SH3D19: variants seen among roughly 807,000 people sequenced by gnomAD.
The protein encoded by SH3D19 is SH3 domain containing 19, also known as SH3 domain-containing protein 19.
In SH3D19, 58 loss-of-function variants were observed where a neutral mutation model predicts 112.1. The ratio of observed to expected loss-of-function variants is 0.52; its 90% CI spans 0.42 to 0.64. The LOEUF is 0.64. Ranked by LOEUF, SH3D19 falls within the 30% of genes least tolerant of loss-of-function variation. The pLI, the probability that SH3D19 is intolerant of heterozygous loss-of-function variation, is 0.00. For missense variants in SH3D19, 1,090 were observed against 1,263.4 expected, an observed-to-expected ratio of 0.86 and a Z score of 2.08; for synonymous variants, 391 against 448.5, an observed-to-expected ratio of 0.87 and a Z score of 1.62.
intron 1 of SH3D19, among the ~76,000 whole-genome samples, chr4:151,276,789 T>C (rs1773665805): frequency 6.6e-6 from 1 of 152,188 alleles, no homozygotes; most frequent in Admixed American, 6.5e-5. Context: ...ATTAACCAGA[T>C]ACTGGGTTCA....
chr4:151,271,069 A>T (rs2149997412), intron 1 of SH3D19, among the ~76,000 whole-genome samples: 1 of 152,186 alleles, frequency 6.6e-6, no homozygotes, highest in East Asian at 1.9e-4. Flanking sequence ...GACTACAAAC[A>T]TGCAACACCC....
intron 1 of SH3D19, among the ~76,000 whole-genome samples, chr4:151,280,836 A>G (rs1774155279): frequency 6.6e-6 from 1 of 152,176 alleles, no homozygotes; most frequent in Admixed American, 6.6e-5. Flanking sequence ...AAATAGAGTA[A>G]TAACTTCAAA....
At chr4:151,189,721 A>G (rs1016100686) in intron 2 of SH3D19, among the ~76,000 whole-genome samples, 2 of 152,264 alleles carry the variant, frequency 1.3e-5, no homozygotes, top group Middle Eastern at 3.4e-3. Context: ...CTGTGAGTCC[A>G]AAAAGAAAGT....
intron 13 of SH3D19, 65 bp downstream of exon 13, chr4:151,139,710 C>T (rs1752634997): frequency 2.1e-6 from 3 of 1,459,020 alleles, no homozygotes; most frequent in Non-Finnish European, 1.9e-6. Context: ...AGGCTAACCC[C>T]CGGCAGGGAA....
chr4:151,253,421 C>G (rs992447023), intron 1 of SH3D19, among the ~76,000 whole-genome samples: 10 of 152,162 alleles, frequency 6.6e-5, no homozygotes, highest in Admixed American at 2.6e-4. Context: ...TCCAGCATCC[C>G]TAAGTATCTA....
At chr4:151,229,564 T>G (rs1295367965) in intron 1 of SH3D19, among the ~76,000 whole-genome samples, 3 of 152,060 alleles carry the variant, frequency 2.0e-5, no homozygotes, top group Non-Finnish European at 2.9e-5. Context: ...TGCCTCATGG[T>G]TAATAAGGCT....
intron 9 of SH3D19, among the ~76,000 whole-genome samples, chr4:151,158,886 G>A (rs1045861816): frequency 6.6e-6 from 1 of 151,798 alleles, no homozygotes; most frequent in Non-Finnish European, 1.5e-5. Context: ...CACTAGTTGG[G>A]TATTTTAAAT....
chr4:151,290,755 G>T (rs1775245944), intron 1 of SH3D19, among the ~76,000 whole-genome samples: 1 of 152,128 alleles, frequency 6.6e-6, no homozygotes. Flanking sequence ...TATCATTTTA[G>T]GTAAGAATGG....
chr4:151,221,494 A>G (rs1768035013), intron 2 of SH3D19, among the ~76,000 whole-genome samples: 1 of 152,162 alleles, frequency 6.6e-6, no homozygotes, highest in Non-Finnish European at 1.5e-5. Context: ...TTTCCTGAAA[A>G]AACATTTCTC....
At chr4:151,164,227 A>T (rs1400826344) in intron 8 of SH3D19, among the ~76,000 whole-genome samples, 1 of 152,220 alleles carries the variant, frequency 6.6e-6, no homozygotes, top group Non-Finnish European at 1.5e-5. Flanking sequence ...ATCTCTTGTT[A>T]GACAAAGGAA....
At chr4:151,198,319 T>A (rs554648554) in intron 2 of SH3D19, among the ~76,000 whole-genome samples, 30 of 87,342 alleles carry the variant, frequency 3.4e-4, no homozygotes, top group South Asian at 2.5e-3. Context: ...AAAAAAAAAA[T>A]ATATATATAA....
chr4:151,250,091 C>G (rs1771245676), intron 1 of SH3D19, among the ~76,000 whole-genome samples: 1 of 152,050 alleles, frequency 6.6e-6, no homozygotes, highest in South Asian at 2.1e-4. Flanking sequence ...GATAATGTGG[C>G]AATAGAGGTC....
intron 2 of SH3D19, among the ~76,000 whole-genome samples, chr4:151,221,400 C>T (rs1287808190): frequency 3.3e-5 from 5 of 152,174 alleles, no homozygotes; most frequent in East Asian, 1.9e-4. Flanking sequence ...GCTGGCCTGG[C>T]GGGGTAGCCC....
In SH3D19 at chr4:151,325,413, A is replaced by C; in HGVS notation, c.-61T>G. ...CGAGCTGCGGCCCCGGCGCCCCAGA[A>C]CGCCTGCACCCGGCGCCCCACGCCA... On this transcript the variant is annotated 5_prime_UTR_variant, in exon 1 of 20. Transcript: ENST00000604030. 2.3e-6 allele frequency: 2 copies of C among 882,268 alleles called. No individual in the cohort carries two copies. Among genetic ancestry groups the C allele is most frequent in the Non-Finnish European group, 2.9e-6 (2 of 682,642 alleles). The allele number at this position is 882,268 out of a possible 1,614,324, so 54.7% of individuals were successfully genotyped here. A position where few individuals can be genotyped will look rare whatever the true frequency, so the allele number is the denominator to read the frequency against.
chr4:151,166,354 G>A (rs1295638462), intron 7 of SH3D19: 2 of 152,138 alleles, frequency 1.3e-5, no homozygotes. Context: ...GTCATTGAAA[G>A]TAATGCGCCA....
chr4:151,161,633 TATATATA>T (rs1757163150), intron 8 of SH3D19, among the ~76,000 whole-genome samples: 1 of 142,114 alleles, frequency 7.0e-6, no homozygotes. Flanking sequence ...TATATATATA[TATATATA>T]TTTTAATTAT....
intron 1 of SH3D19, among the ~76,000 whole-genome samples, chr4:151,320,538 C>A (rs1730431373): frequency 6.6e-6 from 1 of 152,046 alleles, no homozygotes. Context: ...TTCATAAATT[C>A]ATCTATACTG....
At chr4:151,211,331 C>G (rs1236467910) in intron 2 of SH3D19, among the ~76,000 whole-genome samples, 1 of 151,866 alleles carries the variant, frequency 6.6e-6, no homozygotes, top group African/African-American at 2.4e-5. Context: ...TCTGACTGTT[C>G]CACTGGCAGT....
intron 1 of SH3D19, among the ~76,000 whole-genome samples, chr4:151,246,740 C>T (rs1770976439): frequency 6.6e-6 from 1 of 152,086 alleles, no homozygotes; most frequent in African/African-American, 2.4e-5. Flanking sequence ...GTTCTCTTAC[C>T]CAGAATTCCC....
Sources: allele counts gnomAD v4.1 joint callset (sites outside exome capture counted in the v4.1 genomes callset), GRCh38; gene constraint gnomAD v4.1.1; transcripts MANE v1.5; gene names NCBI Gene and HGNC (gene_info 2026-07-23, HGNC 2026-07-21).